Variants in ERBB4 observed in about 807,000 individuals in gnomAD.
ERBB4 encodes erb-b2 receptor tyrosine kinase 4.
A neutral mutation model predicts 158.0 loss-of-function variants in ERBB4; 42 were observed. That is an observed-to-expected ratio of 0.27 (90% CI 0.21 to 0.34). The LOEUF is 0.34. ERBB4 is among the 10% of genes least tolerant of loss of function. The probability of loss-of-function intolerance (pLI) is 1.00; values close to 1 mark genes in which losing one functional copy is unlikely to be tolerated. For synonymous variants in ERBB4, 583 were observed against 558.7 expected, an observed-to-expected ratio of 1.04 and a Z score of -0.61; for missense variants, 1,333 against 1,624.1, an observed-to-expected ratio of 0.82 and a Z score of 3.08.
rs2066313282 is a variant in ERBB4, at chr2:211,525,231, CA to C, written c.2487+36671del. On this transcript the variant is annotated intron_variant, in intron 20 of 27. Coordinates refer to ENST00000342788, the MANE Select transcript of ERBB4 (RefSeq NM_005235.3). ...AGGGCAGCTAAGGAAGTGCTTGAAC[CA>C]CCCCTCTTGCAACCCCAGACAAAAA... is the stretch of plus-strand genomic sequence containing the variant. 1.3e-5 allele frequency among the ~76,000 whole-genome samples: 2 copies of C among 152,098 alleles called. 1 individual carries two copies. The highest frequency in any genetic ancestry group is 3.9e-4 in the East Asian group (2 of 5,192).
chr2:211,506,193 G>C (rs982041450), intron 20 of ERBB4, among the ~76,000 whole-genome samples: 1 of 149,766 alleles, frequency 6.7e-6, no homozygotes, highest in South Asian at 2.1e-4. Flanking sequence ...TAACAATAAA[G>C]AGTGCAATAC....
At chr2:211,840,998 A>T (rs1041962533) in intron 3 of ERBB4, among the ~76,000 whole-genome samples, 9 of 152,102 alleles carry the variant, frequency 5.9e-5, no homozygotes, top group Admixed American at 6.6e-5. Context: ...GGCATATACC[A>T]ATATGTGCTT....
intron 25 of ERBB4, among the ~76,000 whole-genome samples, chr2:211,392,089 C>A (rs1344493465): frequency 1.3e-5 from 2 of 152,204 alleles, no homozygotes; most frequent in Non-Finnish European, 2.9e-5. Context: ...CCAGACACTT[C>A]CACATAGTAA....
chr2:211,530,839 C>T (rs954659415), intron 20 of ERBB4, among the ~76,000 whole-genome samples: 12 of 152,132 alleles, frequency 7.9e-5, no homozygotes, highest in South Asian at 4.2e-4. Context: ...CAGTGAGCCA[C>T]GATCATGCCA....
chr2:211,949,119 A>G (rs2080799667), intron 2 of ERBB4, among the ~76,000 whole-genome samples: 1 of 152,126 alleles, frequency 6.6e-6, no homozygotes, highest in African/African-American at 2.4e-5. Flanking sequence ...CAGAAACTCA[A>G]CTACCTCTTA....
At chr2:211,580,843 A>AT (rs1191386476) in intron 19 of ERBB4, among the ~76,000 whole-genome samples, 1 of 82,646 alleles carries the variant, frequency 1.2e-5, no homozygotes, top group Non-Finnish European at 2.5e-5. Flanking sequence ...TAGATTATAT[A>AT]TTATATATAT....
chr2:211,873,149 G>A (rs1210994621), intron 3 of ERBB4, among the ~76,000 whole-genome samples: 1 of 151,340 alleles, frequency 6.6e-6, no homozygotes, highest in African/African-American at 2.4e-5. Flanking sequence ...AGTGCCACGA[G>A]TAAGCTAAGC....
At chr2:212,053,353 A>G (rs2077455995) in intron 2 of ERBB4, among the ~76,000 whole-genome samples, 1 of 152,108 alleles carries the variant, frequency 6.6e-6, no homozygotes, top group Non-Finnish European at 1.5e-5. Flanking sequence ...GCCAATCTAA[A>G]CATCCAGTCA....
At chr2:212,191,397 A>T (rs1278123479) in intron 1 of ERBB4, among the ~76,000 whole-genome samples, 1 of 104,622 alleles carries the variant, frequency 9.6e-6, no homozygotes, top group African/African-American at 3.1e-5. Context: ...AATGTGTATT[A>T]GGAAACAGAA....
chr2:211,643,230 T>A (rs2070664386), intron 16 of ERBB4, among the ~76,000 whole-genome samples: 1 of 152,114 alleles, frequency 6.6e-6, no homozygotes, highest in Non-Finnish European at 1.5e-5. Context: ...AGGTTGACCA[T>A]AGGGAATTCT....
At chr2:212,157,318 C>T (rs1207737596) in intron 1 of ERBB4, among the ~76,000 whole-genome samples, 1 of 151,964 alleles carries the variant, frequency 6.6e-6, no homozygotes, top group Non-Finnish European at 1.5e-5. Flanking sequence ...GTGAGATGGC[C>T]TCTCTGAGTG....
chr2:211,821,587 C>T (rs931459567), intron 3 of ERBB4, among the ~76,000 whole-genome samples: 2 of 151,802 alleles, frequency 1.3e-5, no homozygotes, highest in African/African-American at 4.8e-5. Flanking sequence ...GGAAGCATCA[C>T]ATAACCAGAC....
intron 3 of ERBB4, among the ~76,000 whole-genome samples, chr2:211,865,833 C>G (rs2078191567): frequency 6.6e-6 from 1 of 152,126 alleles, no homozygotes; most frequent in African/African-American, 2.4e-5. Flanking sequence ...GAAATAGACA[C>G]ATTATTTCCA....
intron 5 of ERBB4, among the ~76,000 whole-genome samples, chr2:211,749,038 C>A (rs2075053162): frequency 6.6e-6 from 1 of 152,186 alleles, no homozygotes. Context: ...TCAATACATT[C>A]CTGCCATAAA....
chr2:211,656,044 T>C (rs2071204298), intron 16 of ERBB4, among the ~76,000 whole-genome samples: 1 of 152,194 alleles, frequency 6.6e-6, no homozygotes. Flanking sequence ...CTCATAAATA[T>C]AATATTTCAC....
At position 211,475,767 on chromosome 2, in the gene ERBB4, A is replaced by G. The variant is rs1019145116; in HGVS notation, c.2488-44667T>C. ...TCTGAAAATCAATCATCTGAAAAGGATGAAGATAATAAAATAACTATAGGA... is the reference window on the plus strand; with the variant it reads ...TCTGAAAATCAATCATCTGAAAAGGGTGAAGATAATAAAATAACTATAGGA... On this transcript the variant is annotated intron_variant, in intron 20 of 27. Transcript: ENST00000342788. Among the ~76,000 whole-genome samples, 6 of 152,222 alleles carry G rather than the reference A, an allele frequency of 3.9e-5. No individual in the cohort carries two copies. In the East Asian group the frequency reaches 5.8e-4, roughly 15 times the overall value.
chr2:212,075,214 G>T (rs1232626030), intron 2 of ERBB4, among the ~76,000 whole-genome samples: 1 of 151,682 alleles, frequency 6.6e-6, no homozygotes, highest in African/African-American at 2.4e-5. Flanking sequence ...CTAATTAATG[G>T]CTTTAGTTAA....
rs2066841646 is a variant in ERBB4, at chr2:211,542,689, AG to A, written c.2487+19213del. ...GGCCAGGGGAATAAAATTTCCACCT[AG>A]TTTTTTGCATTTTTTTAATCTCCCA... On this transcript the variant is annotated intron_variant, in intron 20 of 27. Transcript: ENST00000342788. Among the ~76,000 whole-genome samples, 3 of 151,906 alleles carry A rather than the reference AG, an allele frequency of 2.0e-5. No individual in the cohort carries two copies. In the South Asian group the frequency reaches 6.2e-4, roughly 32 times the overall value.
At chr2:212,099,494 G>T (rs1003968204) in intron 2 of ERBB4, among the ~76,000 whole-genome samples, 1 of 152,078 alleles carries the variant, frequency 6.6e-6, no homozygotes, top group African/African-American at 2.4e-5. Context: ...TTACCAACAG[G>T]TATGTCTTTC....
Sources: gnomAD v4.1 joint callset for allele counts (sites outside exome capture counted in the v4.1 genomes callset) on GRCh38, gnomAD v4.1.1 for gene constraint, MANE v1.5 for transcripts, NCBI Gene and HGNC (gene_info 2026-07-23, HGNC 2026-07-21) for gene names.